Variants in SLC16A7 observed in about 807,000 individuals in gnomAD.
SLC16A7 encodes the protein solute carrier family 16 member 7.
Under a neutral mutation model 34.9 loss-of-function variants are expected in SLC16A7, and 33 were observed. The ratio of observed to expected loss-of-function variants is 0.94; its 90% CI spans 0.72 to 1.26. SLC16A7 has a LOEUF of 1.26. Ranked by LOEUF, SLC16A7 falls within the 50% of genes most tolerant of loss-of-function variation. The pLI is 0.00. For missense variants in SLC16A7, 573 were observed against 578.1 expected (o/e 0.99, Z 0.09); for synonymous variants, 201 against 206.6 (o/e 0.97, Z 0.23).
chr12:59,611,054 G>A (rs1279650866), intron 1 of SLC16A7, among the ~76,000 whole-genome samples: 1 of 152,194 alleles, frequency 6.6e-6, no homozygotes, highest in East Asian at 1.9e-4. Flanking sequence ...AGCAGAAGTG[G>A]TGAGAGAGCT....
intron 3 of SLC16A7, among the ~76,000 whole-genome samples, chr12:59,740,740 G>A (rs12321806): frequency 0.017 from 2,590 of 152,232 alleles, 57 homozygotes; most frequent in African/African-American, 0.058. Flanking sequence ...GAAATAAAGG[G>A]TATTCAGTTA....
At chr12:59,762,569 C>A (rs1464840141) in intron 3 of SLC16A7, among the ~76,000 whole-genome samples, 2 of 152,062 alleles carry the variant, frequency 1.3e-5, no homozygotes, top group African/African-American at 4.8e-5. Context: ...CTAAAAATTT[C>A]TTTTGAATTT....
At chr12:59,775,926 C>A (rs1032442286) in intron 5 of SLC16A7, among the ~76,000 whole-genome samples, 5 of 152,026 alleles carry the variant, frequency 3.3e-5, no homozygotes, top group African/African-American at 1.2e-4. Flanking sequence ...AAATTTGTTA[C>A]ATGCTGAGAA....
intron 3 of SLC16A7, among the ~76,000 whole-genome samples, chr12:59,738,030 A>G (rs1877802107): frequency 6.6e-6 from 1 of 152,172 alleles, no homozygotes; most frequent in South Asian, 2.1e-4. Flanking sequence ...TAAGATTTAT[A>G]TTAAATTATA....
intron 3 of SLC16A7, among the ~76,000 whole-genome samples, chr12:59,711,663 G>A (rs1031782805): frequency 2.6e-5 from 4 of 152,026 alleles, no homozygotes; most frequent in Admixed American, 6.6e-5. Context: ...GGACTACAGA[G>A]GTGCACCACC....
chr12:59,721,487 T>C (rs1875584877), intron 3 of SLC16A7, among the ~76,000 whole-genome samples: 2 of 152,006 alleles, frequency 1.3e-5, no homozygotes, highest in African/African-American at 4.8e-5. Flanking sequence ...GGGTCATTCC[T>C]GTAGCTTATA....
In SLC16A7 at chr12:59,785,432, G is replaced by T. The variant is rs1883542215; in HGVS notation, c.*5753G>T. 6.6e-6 allele frequency: 1 copy of T among 152,106 alleles called. No individual in the cohort carries two copies. The highest frequency in any genetic ancestry group is 2.1e-4 in the South Asian group (1 of 4,830). 9.4% of individuals were successfully genotyped at this position (152,106 alleles called of 1,614,324 possible). A position where few individuals can be genotyped will look rare whatever the true frequency, so the allele number is the denominator to read the frequency against. ...CTACCTTAAGAGCAAAATTAATATT[G>T]CAAAATGAATTTTTGATTTTACAGA... On this transcript the variant is annotated 3_prime_UTR_variant, in exon 6 of 6. Coordinates refer to ENST00000547379, the MANE Select transcript of SLC16A7 (RefSeq NM_001270623.2).
At chr12:59,778,786 G>C (rs1295798225) in intron 5 of SLC16A7, among the ~76,000 whole-genome samples, 2 of 152,098 alleles carry the variant, frequency 1.3e-5, no homozygotes, top group Non-Finnish European at 2.9e-5. Flanking sequence ...CCATTCTGCA[G>C]AGTAGTTAAG....
intron 2 of SLC16A7, among the ~76,000 whole-genome samples, chr12:59,656,580 C>T (rs1419526996): frequency 2.0e-5 from 3 of 151,920 alleles, no homozygotes; most frequent in Non-Finnish European, 4.4e-5. Flanking sequence ...GACTTCTGAC[C>T]TTTGAAATTG....
At chr12:59,702,516 A>T (rs1031665234) in intron 2 of SLC16A7, among the ~76,000 whole-genome samples, 11 of 152,084 alleles carry the variant, frequency 7.2e-5, no homozygotes, top group African/African-American at 2.7e-4. Flanking sequence ...CATCTGCACG[A>T]CATTAACTTA....
At chr12:59,741,485 T>TA in intron 3 of SLC16A7, among the ~76,000 whole-genome samples, 1 of 152,306 alleles carries the variant, frequency 6.6e-6, no homozygotes, top group South Asian at 2.1e-4. Flanking sequence ...AGATGCTCAT[T>TA]AAAAATAGGG....
chr12:59,748,307 A>G (rs1879119176), intron 3 of SLC16A7, among the ~76,000 whole-genome samples: 1 of 152,188 alleles, frequency 6.6e-6, no homozygotes, highest in Non-Finnish European at 1.5e-5. Flanking sequence ...GTAAACAAAC[A>G]TAAGGACACG....
At chr12:59,666,198 TGATG>T (rs1234723609) in intron 2 of SLC16A7, among the ~76,000 whole-genome samples, 2 of 152,188 alleles carry the variant, frequency 1.3e-5, no homozygotes, top group Admixed American at 6.5e-5. Flanking sequence ...AAAGTCGAGT[TGATG>T]GTTATTAGTC....
intron 3 of SLC16A7, among the ~76,000 whole-genome samples, chr12:59,712,318 G>T (rs1874320393): frequency 6.6e-6 from 1 of 152,198 alleles, no homozygotes; most frequent in Non-Finnish European, 1.5e-5. Flanking sequence ...AATAAATAGG[G>T]TCAATAATCA....
At chr12:59,714,565 CTT>C (rs369579828) in intron 3 of SLC16A7, among the ~76,000 whole-genome samples, 4 of 146,492 alleles carry the variant, frequency 2.7e-5, no homozygotes, top group East Asian at 2.0e-4. Flanking sequence ...CTCTCTCTCT[CTT>C]TTTTTTTTTC....
At chr12:59,732,364 G>T (rs1410890737) in intron 3 of SLC16A7, among the ~76,000 whole-genome samples, 2 of 152,184 alleles carry the variant, frequency 1.3e-5, no homozygotes, top group Non-Finnish European at 2.9e-5. Flanking sequence ...AGGTTGAAGT[G>T]AGCCGAGATC....
Position 59,785,927 on chromosome 12 carries a change from T to A in SLC16A7, c.*6248T>A, listed in dbSNP as rs1592292476. ...AGAAATCATCATTCTCAGTAAACTATCGCAAGAACAAAAAACCAAACACCG... is the reference window on the plus strand; with the variant it reads ...AGAAATCATCATTCTCAGTAAACTAACGCAAGAACAAAAAACCAAACACCG... On this transcript the variant is annotated 3_prime_UTR_variant, in exon 6 of 6. Transcript: ENST00000547379. 1 of 150,002 alleles carries A rather than the reference T, an allele frequency of 6.7e-6. No individual in the cohort carries two copies. The highest frequency in any genetic ancestry group is 2.0e-4 in the East Asian group (1 of 5,024). The allele number at this position is 150,002 out of a possible 1,614,324, so 9.3% of individuals were successfully genotyped here.
At chr12:59,748,987 C>T (rs182077240) in intron 3 of SLC16A7, among the ~76,000 whole-genome samples, 1 of 152,212 alleles carries the variant, frequency 6.6e-6, no homozygotes, top group Admixed American at 6.5e-5. Context: ...GCAGCTTCTA[C>T]TGACCAAAAA....
chr12:59,602,094 A>G (rs559567809), intron 1 of SLC16A7, among the ~76,000 whole-genome samples: 33 of 152,342 alleles, frequency 2.2e-4, no homozygotes, highest in African/African-American at 7.9e-4. Context: ...ATAAGATCAA[A>G]TTGAGATTGT....
Sources: allele counts gnomAD v4.1 joint callset (sites outside exome capture counted in the v4.1 genomes callset), GRCh38; gene constraint gnomAD v4.1.1; transcripts MANE v1.5; gene names NCBI Gene and HGNC (gene_info 2026-07-23, HGNC 2026-07-21).